The following RYR3 variants were observed in gnomAD, a reference collection of about 807,000 sequenced individuals.
RYR3 encodes ryanodine receptor 3.
RYR3 carries 207 observed loss-of-function variants against 584.3 expected under a neutral mutation model. That is an observed-to-expected ratio of 0.35 (90% CI 0.32 to 0.40). RYR3 has a LOEUF of 0.40. RYR3 is among the 10% of genes least tolerant of loss of function. RYR3 has a pLI of 1.00. For synonymous variants in RYR3, 2,416 were observed against 2,248.5 expected, an observed-to-expected ratio of 1.07 and a Z score of -2.11; for missense variants, 5,616 against 6,089.2, an observed-to-expected ratio of 0.92 and a Z score of 2.59.
rs377589135 is a variant in RYR3, at chr15:33,805,072, A to G, written c.10012-2483A>G. ...TGAGAGCTCATTGTATATTTTGTGTATATAACACCAGTTTGCAAATGTATG... is the reference window on the plus strand; with the variant it reads ...TGAGAGCTCATTGTATATTTTGTGTGTATAACACCAGTTTGCAAATGTATG... On this transcript the variant is annotated intron_variant, in intron 69 of 103. Transcript: ENST00000634891. Among the ~76,000 whole-genome samples the G allele has an allele frequency of 6.7e-4, 102 of 152,344 alleles. 1 individual carries two copies. The South Asian group carries it at 0.021, about 31-fold the overall frequency.
At chr15:33,553,115 T>C (rs977306121) in intron 10 of RYR3, among the ~76,000 whole-genome samples, 3 of 152,074 alleles carry the variant, frequency 2.0e-5, no homozygotes, top group Admixed American at 6.6e-5. Flanking sequence ...GTGGAGACAG[T>C]CATCTGTTTT....
chr15:33,503,526 C>A, intron 2 of RYR3, 105 bp from the exon 3 acceptor site: 1 of 684,766 alleles, frequency 1.5e-6, no homozygotes, highest in Middle Eastern at 2.4e-4. Context: ...TTCATCCATC[C>A]AACTGTCATT....
intron 1 of RYR3, among the ~76,000 whole-genome samples, chr15:33,425,863 C>G (rs2596224): frequency 5.3e-5 from 8 of 151,872 alleles, no homozygotes; most frequent in South Asian, 2.1e-4. Flanking sequence ...AGGATGGTCT[C>G]AATCTCCTGA....
intron 64 of RYR3, among the ~76,000 whole-genome samples, chr15:33,777,672 C>T (rs7174719): frequency 0.015 from 2,345 of 152,024 alleles, 64 homozygotes; most frequent in African/African-American, 0.054. Flanking sequence ...AACACAGCAC[C>T]AGAGAACTGA....
intron 5 of RYR3, among the ~76,000 whole-genome samples, chr15:33,537,331 T>C (rs2055413506): frequency 6.6e-6 from 1 of 152,214 alleles, no homozygotes; most frequent in South Asian, 2.1e-4. Flanking sequence ...CCATGTTTAT[T>C]AGATCTGACA....
chr15:33,667,147 C>G (rs192928379), intron 36 of RYR3, among the ~76,000 whole-genome samples: 1 of 152,182 alleles, frequency 6.6e-6, no homozygotes, highest in African/African-American at 2.4e-5. Flanking sequence ...TGTAGAGTTC[C>G]TCCTAACAAT....
At chr15:33,854,493 A>C (rs369682517) in intron 97 of RYR3, 44 bp downstream of exon 97, 33 of 1,480,652 alleles carry the variant, frequency 2.2e-5, no homozygotes, top group Non-Finnish European at 3.0e-5. Context: ...ACCCCAGTTC[A>C]GGGATGCCAC....
rs751678825 is a variant in RYR3 at position 33,696,296 on chromosome 15, G to A, written c.5939G>A (p.Arg1980Gln). The A allele has an allele frequency of 1.7e-5, 28 of 1,613,798 alleles. No individual in the cohort carries two copies. The highest frequency in any genetic ancestry group is 1.1e-4 in the East Asian group (5 of 44,848). Residue 1980 changes from arginine (R) to glutamine (Q), a missense_variant, in exon 39 of 104, where the codon CGA becomes CAA. This residue lies in a region of RYR3 where 1,280 missense variants were observed against 1,426.2 expected (regional missense o/e 0.90). Coordinates refer to ENST00000634891, the MANE Select transcript of RYR3 (RefSeq NM_001036.6). ...CAGATCCAGGATTCAGAGCTGGTCC[G>A]AATGATGTTCAACCTCCTCCGGAGG... ...EDQIQDSELV[R>Q]MMFNLLRRQY...
chr15:33,725,602 T>G (rs1013051335), intron 45 of RYR3, among the ~76,000 whole-genome samples: 4 of 151,982 alleles, frequency 2.6e-5, no homozygotes, highest in African/African-American at 9.7e-5. Context: ...TTTTGCCCAG[T>G]CATCATCCCC....
chr15:33,767,761 G>A (rs563884143), intron 60 of RYR3, among the ~76,000 whole-genome samples: 1 of 152,210 alleles, frequency 6.6e-6, no homozygotes, highest in Non-Finnish European at 1.5e-5. Context: ...TGAAGCAACT[G>A]CAAAGTTCTT....
At chr15:33,696,090 T>C (rs2065842940) in intron 38 of RYR3, 128 bp from the exon 39 acceptor site, 1 of 804,398 alleles carries the variant, frequency 1.2e-6, no homozygotes, top group South Asian at 1.8e-5. Context: ...CCACTGCACA[T>C]TGCCTATAAT....
chr15:33,812,690 A>G (rs2076615355), intron 72 of RYR3, among the ~76,000 whole-genome samples, 173 bp from the exon 73 acceptor site: 1 of 152,222 alleles, frequency 6.6e-6, no homozygotes, highest in African/African-American at 2.4e-5. Context: ...AGTTAGAATG[A>G]GAAGTTCCTA....
At chr15:33,780,180 C>A in intron 64 of RYR3, 31 bp from the exon 65 acceptor site, 1 of 1,608,136 alleles carries the variant, frequency 6.2e-7, no homozygotes, top group Non-Finnish European at 8.5e-7. Context: ...TGTGGGGGGC[C>A]ACACTTCTCA....
In RYR3 at chr15:33,830,972, A is replaced by G. The variant is rs761091867; in HGVS notation, c.11344A>G (p.Ser3782Gly). The change falls in exon 86 of 104, where the codon AGT becomes GGT. Residue 3782 changes from serine to glycine, a missense_variant. Transcript: ENST00000634891. ...ACTCATTTGTTTTTAGGAATCAATCAGTGATTTCTACTGGTATTATTCAGG... is the reference window on the plus strand; with the variant it reads ...ACTCATTTGTTTTTAGGAATCAATCGGTGATTTCTACTGGTATTATTCAGG... The part of the protein sequence containing the change: ...DYLLRLQESI[S>G]DFYWYYSGKD... 3.1e-6 allele frequency: 5 copies of G among 1,613,050 alleles called. No individual in the cohort carries two copies. Among genetic ancestry groups the G allele is most frequent in the Admixed American group, 1.7e-5 (1 of 59,920 alleles).
At position 33,663,524 on chromosome 15, in the gene RYR3, A is replaced by G. The variant is rs1325633903; in HGVS notation, c.5419-13A>G. On this transcript the variant is annotated splice_polypyrimidine_tract_variant and intron_variant, in intron 35 of 103. Transcript: ENST00000634891. ...GTACACAAAGTGTTATCTATATAAT[A>G]CTTTCATTGCAGATGTGTGAGCTCC... 1.2e-6 allele frequency: 2 copies of G among 1,611,186 alleles called. No homozygotes were observed. Among genetic ancestry groups the G allele is most frequent in the Non-Finnish European group, 1.7e-6 (2 of 1,178,534 alleles).
At chr15:33,445,595 A>G (rs1046840334) in intron 1 of RYR3, among the ~76,000 whole-genome samples, 23 of 151,102 alleles carry the variant, frequency 1.5e-4, no homozygotes, top group Non-Finnish European at 2.9e-4. Flanking sequence ...GTCTCAGATG[A>G]TGAATATAAA....
Position 33,384,481 on chromosome 15 carries a change from T to TA in RYR3, c.51+73385_51+73386insA, listed in dbSNP as rs2041432771. On this transcript the variant is annotated intron_variant, in intron 1 of 103. Transcript: ENST00000634891. ...TAATATTATATTATAATATTATATT[T>TA]TATATTATAATAATTATACTATTAT... 1.4e-4 allele frequency among the ~76,000 whole-genome samples: 9 copies of TA among 66,128 alleles called. No individual in the cohort carries two copies. In the South Asian group the frequency reaches 3.4e-3, roughly 25 times the overall value. 43.4% of individuals were successfully genotyped at this position (66,128 alleles called of 152,430 possible). A position where few individuals can be genotyped will look rare whatever the true frequency, so the allele number is the denominator to read the frequency against.
At chr15:33,592,171 C>G (rs1005435606) in intron 16 of RYR3, among the ~76,000 whole-genome samples, 1 of 152,096 alleles carries the variant, frequency 6.6e-6, no homozygotes, top group African/African-American at 2.4e-5. Flanking sequence ...AGTGGCTTAG[C>G]GTAGTCAAAA....
chr15:33,395,075 C>T (rs2042220018), intron 1 of RYR3, among the ~76,000 whole-genome samples: 1 of 152,282 alleles, frequency 6.6e-6, no homozygotes, highest in East Asian at 1.9e-4. Flanking sequence ...AACCTCTGGG[C>T]TAGACAATAC....
Sources: gnomAD v4.1 joint callset for allele counts (sites outside exome capture counted in the v4.1 genomes callset) on GRCh38, gnomAD v4.1.1 for gene constraint, gnomAD v4.1.1 regional missense constraint, MANE v1.5 for transcripts, NCBI Gene and HGNC (gene_info 2026-07-23, HGNC 2026-07-21) for gene names.